Variants in TACC2 observed in about 807,000 individuals in gnomAD.
TACC2 encodes transforming acidic coiled-coil-containing protein 2.
Under a neutral mutation model 227.3 loss-of-function variants are expected in TACC2, and 137 were observed. The observed-to-expected ratio is 0.60, with a 90% CI of 0.52 to 0.69. The LOEUF (loss-of-function observed/expected upper bound fraction) is 0.69. Among genes scored for constraint, TACC2 ranks in the 30% least tolerant of loss-of-function variants. TACC2 has a pLI of 0.00. For missense variants in TACC2, 3,470 were observed against 3,694.4 expected (o/e 0.94, Z 1.57); for synonymous variants, 1,523 against 1,487.5 (o/e 1.02, Z -0.55).
chr10:122,045,767 C>T (rs1261437459), intron 2 of TACC2, among the ~76,000 whole-genome samples: 1 of 152,204 alleles, frequency 6.6e-6, no homozygotes, highest in African/African-American at 2.4e-5. Flanking sequence ...TGTCAAAGAG[C>T]TTTGAAAAGT....
At chr10:122,226,265 A>T (rs932546764) in intron 12 of TACC2, 101 bp from the exon 13 acceptor site, 3 of 773,504 alleles carry the variant, frequency 3.9e-6, no homozygotes, top group Admixed American at 2.2e-5. Flanking sequence ...CTTTTCCCTG[A>T]TGGGTTATTT....
chr10:122,235,779 T>C (rs1365582431), intron 16 of TACC2, among the ~76,000 whole-genome samples: 1 of 152,094 alleles, frequency 6.6e-6, no homozygotes, highest in Non-Finnish European at 1.5e-5. Flanking sequence ...TTAGTATATA[T>C]TCTGGTCAAG....
rs138162632 is a variant in TACC2 at position 122,083,388 on chromosome 10, G to C, written c.888G>C (p.Pro296=). The C allele has an allele frequency of 6.2e-7, 1 of 1,613,866 alleles. No homozygotes were observed. The highest frequency in any genetic ancestry group is 1.1e-5 in the South Asian group (1 of 91,082). The change falls in exon 4 of 23, where the codon CCG becomes CCC. Residue 296 remains proline (P), a synonymous_variant. Coordinates refer to ENST00000369005, the MANE Select transcript of TACC2 (RefSeq NM_206862.4). ...GAGAAAGAGGCCAAGGGGAGGCGCC[G>C]CCTCAGTATTTAACAGATGACTTGG... ...SDRERGQGEA[P]PQYLTDDLEF...
chr10:122,092,568 C>A (rs889047352), intron 5 of TACC2, among the ~76,000 whole-genome samples: 4 of 152,108 alleles, frequency 2.6e-5, no homozygotes, highest in Admixed American at 6.5e-5. Context: ...TTTGATAACC[C>A]ATCTCATACA....
At chr10:122,206,484 A>G (rs1311528356) in intron 8 of TACC2, among the ~76,000 whole-genome samples, 1 of 152,222 alleles carries the variant, frequency 6.6e-6, no homozygotes, top group Non-Finnish European at 1.5e-5. Context: ...ACGAAGAGGA[A>G]GAGACCAGGA....
chr10:122,190,161 T>A (rs1340578878), intron 7 of TACC2, among the ~76,000 whole-genome samples: 1 of 152,242 alleles, frequency 6.6e-6, no homozygotes, highest in East Asian at 1.9e-4. Context: ...GTATATTATG[T>A]ATGTGTGTGG....
At chr10:122,168,339 T>C (rs1331249344) in intron 7 of TACC2, among the ~76,000 whole-genome samples, 1 of 152,192 alleles carries the variant, frequency 6.6e-6, no homozygotes, top group East Asian at 1.9e-4. Context: ...GATATTACTG[T>C]TGGACACAAT....
chr10:122,173,151 T>C (rs1047941248), intron 7 of TACC2, among the ~76,000 whole-genome samples: 2 of 152,188 alleles, frequency 1.3e-5, no homozygotes, highest in African/African-American at 2.4e-5. Flanking sequence ...ATTGCTAGGA[T>C]GGCTTTAGAG....
rs201625808 is a variant in TACC2 at position 122,084,704 on chromosome 10, C to T, written c.2204C>T (p.Ala735Val). ...PTPVAEVAPK[A>V]QEGESTLEIR... Reference sequence around the variant, plus strand: ...CCTGTTGCAGAGGTTGCACCCAAAGCCCAGGAAGGTGAGAGCACATTGGAA... The same window carrying T: ...CCTGTTGCAGAGGTTGCACCCAAAGTCCAGGAAGGTGAGAGCACATTGGAA... The change falls in exon 4 of 23, where the codon GCC (alanine) becomes GTC (valine). Residue 735 changes from alanine to valine, a missense_variant. Around this residue, in one of 10 missense-constraint regions of TACC2, gnomAD observed 1,924 missense variants for 1,978.3 expected, o/e 0.97. Coordinates refer to ENST00000369005, the MANE Select transcript of TACC2 (RefSeq NM_206862.4). 2.6e-4 allele frequency: 424 copies of T among 1,613,668 alleles called. No individual in the cohort carries two copies. Among genetic ancestry groups the T allele is most frequent in the Non-Finnish European group, 2.9e-4 (342 of 1,180,044 alleles).
Position 122,249,536 on chromosome 10 carries a change from C to T in TACC2, c.8661-8C>T. The T allele has an allele frequency of 6.2e-6, 10 of 1,613,112 alleles. No homozygotes were observed. The highest frequency in any genetic ancestry group is 1.7e-4 in the Middle Eastern group (1 of 6,050). On this transcript the variant is annotated splice_region_variant and splice_polypyrimidine_tract_variant and intron_variant, in intron 21 of 22. Transcript: ENST00000369005. ...AGAGTGATAATTCTGAGCTCCCTGT[C>T]TCCGCAGGGCCAATGCTGAGATTGC...
At position 122,083,615 on chromosome 10, in the gene TACC2, T is replaced by C. The variant is rs2137091866; in HGVS notation, c.1115T>C (p.Val372Ala). The change falls in exon 4 of 23, where the codon GTT becomes GCT. Residue 372 changes from valine (V) to alanine (A), a missense_variant. By Grantham distance (64) the Val-to-Ala change is moderately conservative. Transcript: ENST00000369005. ...AAGGAGGCTCTGGACACCATTGATG[T>C]TCAGGGTCACCCACAGACAGGGATG... ...SGKEALDTID[V>A]QGHPQTGMRG... 1 of 1,611,888 alleles carries C rather than the reference T, an allele frequency of 6.2e-7. No individual in the cohort carries two copies. Among genetic ancestry groups the C allele is most frequent in the South Asian group, 1.1e-5 (1 of 91,078 alleles).
intron 5 of TACC2, among the ~76,000 whole-genome samples, chr10:122,106,132 C>T (rs918758356): frequency 2.0e-5 from 3 of 151,232 alleles, no homozygotes; most frequent in South Asian, 2.1e-4. Context: ...GGTTTACAGG[C>T]GTCCACCACC....
At chr10:122,235,981 T>C (rs1700655865) in intron 16 of TACC2, among the ~76,000 whole-genome samples, 1 of 152,104 alleles carries the variant, frequency 6.6e-6, no homozygotes, top group Non-Finnish European at 1.5e-5. Context: ...AGACGTTCAA[T>C]CTTCCAGGAC....
In TACC2 at chr10:122,224,731, G is replaced by C. The variant is rs956752475; in HGVS notation, c.7552G>C (p.Asp2518His). The C allele has an allele frequency of 6.2e-7, 1 of 1,613,900 alleles. No individual in the cohort carries two copies. The highest frequency in any genetic ancestry group is 1.7e-4 in the Middle Eastern group (1 of 6,060). ...TKFSSPTEEL[D>H]YRNSYEIEYM... ...GTTTGTTTTTGTTTTTGCAGAGTTG[G>C]ATTACAGAAACTCCTATGAAATTGA... is the stretch of plus-strand genomic sequence containing the variant. The change falls in exon 12 of 23, where the codon GAT becomes CAT. Residue 2518 changes from aspartate (D) to histidine (H), a missense_variant. Asp to His is a moderately conservative substitution (Grantham distance 81). Around this residue, in one of 10 missense-constraint regions of TACC2, gnomAD observed 345 missense variants for 354.4 expected, o/e 0.97. Transcript: ENST00000369005.
At chr10:122,095,780 G>A (rs573214701) in intron 5 of TACC2, among the ~76,000 whole-genome samples, 301 of 152,336 alleles carry the variant, frequency 2.0e-3, no homozygotes, top group Non-Finnish European at 3.5e-3. Context: ...GGAATGTCCT[G>A]TGTCTCCACT....
At chr10:122,118,967 A>G (rs1294434332) in intron 5 of TACC2, among the ~76,000 whole-genome samples, 1 of 152,222 alleles carries the variant, frequency 6.6e-6, no homozygotes, top group Admixed American at 6.5e-5. Context: ...TATGCTTTAC[A>G]TGTTTTTTAA....
chr10:121,994,988 TG>T (rs980661696), intron 1 of TACC2, among the ~76,000 whole-genome samples: 77 of 152,360 alleles, frequency 5.1e-4, no homozygotes, highest in African/African-American at 1.8e-3. Flanking sequence ...GGATGATTAC[TG>T]GAATTTCTTC....
chr10:122,246,769 G>A (rs1434458383), intron 19 of TACC2: 1 of 152,372 alleles, frequency 6.6e-6, no homozygotes. Context: ...CCCTCACAGA[G>A]CGTGCATTCA....
In TACC2 at chr10:122,211,027, C is replaced by G; in HGVS notation, c.6602C>G (p.Ala2201Gly). 6.2e-7 allele frequency: 1 copy of G among 1,612,090 alleles called. No individual in the cohort carries two copies. Among genetic ancestry groups the G allele is most frequent in the Non-Finnish European group, 8.5e-7 (1 of 1,179,182 alleles). Residue 2201 changes from alanine to glycine, a missense_variant, in exon 9 of 23, where the codon GCT (alanine) becomes GGT (glycine). Transcript: ENST00000369005. ...TPLEPAVGPK[A>G]ACPLDSESAE... The stretch of plus-strand genomic sequence containing the variant: ...CTTGAGCCCGCTGTGGGGCCCAAAG[C>G]TGCCTGCCCTCTGGACTCAGAGAGT...
Sources: gnomAD v4.1 joint callset for allele counts (sites outside exome capture counted in the v4.1 genomes callset) on GRCh38, gnomAD v4.1.1 for gene constraint, gnomAD v4.1.1 regional missense constraint, MANE v1.5 for transcripts, NCBI Gene and HGNC (gene_info 2026-07-23, HGNC 2026-07-21) for gene names.